The following FAM81A variants were observed in gnomAD, a reference collection of about 807,000 sequenced individuals.
FAM81A encodes protein FAM81A.
FAM81A carries 19 observed loss-of-function variants against 46.7 expected under a neutral mutation model. The ratio of observed to expected loss-of-function variants is 0.41; its 90% CI spans 0.28 to 0.60. The LOEUF (loss-of-function observed/expected upper bound fraction) is 0.60. Ranked by LOEUF, FAM81A falls within the 20% of genes least tolerant of loss-of-function variation. FAM81A has a pLI of 0.34. For synonymous variants in FAM81A, 183 were observed against 152.9 expected, an observed-to-expected ratio of 1.20 and a Z score of -1.45; for missense variants, 377 against 453.5, an observed-to-expected ratio of 0.83 and a Z score of 1.53.
At chr15:59,476,192 C>A (rs2081765315) in intron 3 of FAM81A, among the ~76,000 whole-genome samples, 1 of 152,058 alleles carries the variant, frequency 6.6e-6, no homozygotes. Context: ...CCTCCTAATA[C>A]CATCACATCA....
intron 1 of FAM81A, among the ~76,000 whole-genome samples, chr15:59,441,033 A>G (rs1414383266): frequency 6.6e-6 from 1 of 152,170 alleles, no homozygotes; most frequent in Non-Finnish European, 1.5e-5. Flanking sequence ...GCCCCCAAGC[A>G]TCTTTCTCTT....
chr15:59,410,720 G>A (rs2081116684), intron 2 of FAM81A, among the ~76,000 whole-genome samples: 1 of 152,208 alleles, frequency 6.6e-6, no homozygotes, highest in African/African-American at 2.4e-5. Flanking sequence ...TTTAAACCAA[G>A]CTCAAGCAAC....
At chr15:59,490,432 A>C (rs969441037) in intron 3 of FAM81A, among the ~76,000 whole-genome samples, 5 of 152,334 alleles carry the variant, frequency 3.3e-5, no homozygotes, top group Non-Finnish European at 5.9e-5. Flanking sequence ...AAATGGGCAA[A>C]AGATCTGAAT....
intron 4 of FAM81A, among the ~76,000 whole-genome samples, chr15:59,499,785 ATTCTAG>A (rs1316160130): frequency 2.0e-5 from 3 of 150,932 alleles, no homozygotes. Flanking sequence ...TATTAATATT[ATTCTAG>A]TTCCCTTGTA....
chr15:59,481,365 T>A (rs529893449), intron 3 of FAM81A, among the ~76,000 whole-genome samples: 68 of 152,296 alleles, frequency 4.5e-4, no homozygotes, highest in African/African-American at 1.2e-3. Flanking sequence ...TGGGCTTTTT[T>A]AAATTTCTAA....
chr15:59,405,751 T>C (rs777008881), intron 2 of FAM81A, among the ~76,000 whole-genome samples: 4 of 152,204 alleles, frequency 2.6e-5, no homozygotes, highest in Admixed American at 6.5e-5. Flanking sequence ...CAAACCCTCT[T>C]ACTGGCCTTG....
intron 4 of FAM81A, among the ~76,000 whole-genome samples, chr15:59,506,815 A>G (rs1207302212): frequency 6.6e-6 from 1 of 152,210 alleles, no homozygotes; most frequent in South Asian, 2.1e-4. Context: ...TTTAGAAGTA[A>G]TATTTTCTAA....
At chr15:59,468,968 C>G (rs1244885032) in intron 3 of FAM81A, among the ~76,000 whole-genome samples, 1 of 152,218 alleles carries the variant, frequency 6.6e-6, no homozygotes, top group South Asian at 2.1e-4. Context: ...TTGTTATGTA[C>G]CCAGTAGTCA....
chr15:59,459,817 CT>C, intron 2 of FAM81A, 115 bp from the exon 3 acceptor site: 1 of 1,381,550 alleles, frequency 7.2e-7, no homozygotes, highest in Non-Finnish European at 9.5e-7. Flanking sequence ...GCCTCAAACC[CT>C]ATTTAGCTTG....
intron 1 of FAM81A, among the ~76,000 whole-genome samples, chr15:59,443,716 A>T (rs1388916010): frequency 3.3e-5 from 5 of 152,106 alleles, no homozygotes; most frequent in Non-Finnish European, 5.9e-5. Context: ...CCACATCCAG[A>T]CAGTCATTGA....
At position 59,520,688 on chromosome 15, in the gene FAM81A, C is replaced by T. The variant is rs1327781830; in HGVS notation, c.983-566C>T. Among the ~76,000 whole-genome samples the T allele has an allele frequency of 3.3e-5, 5 of 151,882 alleles. No individual in the cohort carries two copies. In the East Asian group the frequency reaches 9.6e-4, roughly 29 times the overall value. ...AAGCAATTCTCCCTGCCTCAGCCTC[C>T]CGAGTAGCTGGGACTACAGGTGTGC... On this transcript the variant is annotated intron_variant, in intron 8 of 8. Transcript: ENST00000288228.
upstream of FAM81A, among the ~76,000 whole-genome samples, chr15:59,437,714 G>T (rs994390135): frequency 6.6e-6 from 1 of 152,172 alleles, no homozygotes; most frequent in East Asian, 1.9e-4. Context: ...GGGCGGGGGA[G>T]AGAACTATTT....
chr15:59,458,572 T>G lies in FAM81A; in HGVS notation c.-55T>G. 6.2e-7 allele frequency: 1 copy of G among 1,612,938 alleles called. No homozygotes were observed. The highest frequency in any genetic ancestry group is 8.5e-7 in the Non-Finnish European group (1 of 1,179,562). On this transcript the variant is annotated 5_prime_UTR_variant, in exon 2 of 9. It removes an upstream start codon present in the reference 5' UTR. Transcript: ENST00000288228. ...CAGATGTGAATTATTAAAAAGAAAATGGCCCAACGGAGCACTGTATTTCCT... is the reference window on the plus strand; with the variant it reads ...CAGATGTGAATTATTAAAAAGAAAAGGGCCCAACGGAGCACTGTATTTCCT...
At chr15:59,471,916 C>T (rs1053125927) in intron 3 of FAM81A, among the ~76,000 whole-genome samples, 3 of 152,164 alleles carry the variant, frequency 2.0e-5, no homozygotes, top group Admixed American at 6.5e-5. Context: ...CTAGTGGATA[C>T]TTCTTATGAT....
intron 2 of FAM81A, among the ~76,000 whole-genome samples, chr15:59,426,515 G>C (rs2081195471): frequency 1.3e-5 from 2 of 152,232 alleles, no homozygotes; most frequent in African/African-American, 2.4e-5. Flanking sequence ...GGGAGGCTGA[G>C]GCAGGAGAAT....
intron 3 of FAM81A, among the ~76,000 whole-genome samples, chr15:59,467,371 C>T (rs1214141785): frequency 6.6e-6 from 1 of 152,168 alleles, no homozygotes; most frequent in East Asian, 1.9e-4. Context: ...TTTGTGTCCT[C>T]TTTCATTTTG....
rs71119468 is a variant in FAM81A, at chr15:59,398,759, GAAAAAAAAAAAAAAAA to G, written c.-160-3503_-160-3488del. Among the ~76,000 whole-genome samples, 7 of 41,408 alleles carry G rather than the reference GAAAAAAAAAAAAAAAA, an allele frequency of 1.7e-4. No individual in the cohort carries two copies. The East Asian group carries it at 7.0e-3, about 42-fold the overall frequency. The allele number at this position is 41,408 out of a possible 152,430, so 27.2% of individuals were successfully genotyped here. On this transcript the variant is annotated intron_variant, in intron 1 of 4. Coordinates refer to the FAM81A transcript ENST00000558348. ...GGCAACAGAGTGAGACTCTGTCTCA[GAAAAAAAAAAAAAAAA>G]AAAAAAAAAAAAAGGAAATGAATCC... is the stretch of plus-strand genomic sequence containing the variant.
chr15:59,461,601 G>A (rs1426707037), intron 3 of FAM81A, among the ~76,000 whole-genome samples: 2 of 152,178 alleles, frequency 1.3e-5, no homozygotes, highest in South Asian at 2.1e-4. Context: ...GATTACAGAT[G>A]TGAGCCACTG....
At chr15:59,411,629 T>C (rs1404393898) in intron 2 of FAM81A, among the ~76,000 whole-genome samples, 1 of 152,074 alleles carries the variant, frequency 6.6e-6, no homozygotes, top group South Asian at 2.1e-4. Context: ...GAAAATACTT[T>C]AATTGGCCAG....
Sources: allele counts gnomAD v4.1 joint callset (sites outside exome capture counted in the v4.1 genomes callset), GRCh38; gene constraint gnomAD v4.1.1; transcripts MANE v1.5; gene names NCBI Gene and HGNC (gene_info 2026-07-23, HGNC 2026-07-21).